Variants in OR8G5 observed in about 807,000 individuals in gnomAD.
OR8G5 encodes the protein olfactory receptor 8G5.
For missense variants in OR8G5, 347 were observed against 371.9 expected, an observed-to-expected ratio of 0.93 and a Z score of 0.55; for synonymous variants, 147 against 147.7, an observed-to-expected ratio of 1.00 and a Z score of 0.03.
In OR8G5 at chr11:124,266,145, C is replaced by G; in HGVS notation, c.*278C>G. On this transcript the variant is annotated 3_prime_UTR_variant, in exon 2 of 2. Coordinates refer to ENST00000641992, the MANE Select transcript of OR8G5 (RefSeq NM_001005198.2). ...CTGATAATGCCAGTTACATTCCCTT[C>G]CCCCTTTTCTTTCATGTAATTGATT... 3.0e-6 allele frequency: 1 copy of G among 328,094 alleles called. No individual in the cohort carries two copies. 20.3% of individuals were successfully genotyped at this position (328,094 alleles called of 1,614,324 possible). A position where few individuals can be genotyped will look rare whatever the true frequency, so the allele number is the denominator to read the frequency against.
At chr11:124,256,933 T>C (rs1182176430) in intron 1 of OR8G5, among the ~76,000 whole-genome samples, 1 of 152,142 alleles carries the variant, frequency 6.6e-6, no homozygotes, top group Non-Finnish European at 1.5e-5. Context: ...TTACAAGGAA[T>C]TGGAGAATGG....
intron 1 of OR8G5, among the ~76,000 whole-genome samples, chr11:124,257,656 G>A (rs1220126214): frequency 6.6e-6 from 1 of 152,154 alleles, no homozygotes; most frequent in Non-Finnish European, 1.5e-5. Context: ...GTCTGTCTGT[G>A]CATGGTGATG....
intron 1 of OR8G5, among the ~76,000 whole-genome samples, chr11:124,260,123 G>C (rs4935875): frequency 0.37 from 56,791 of 151,656 alleles, 10,789 homozygotes; most frequent in East Asian, 0.47. Flanking sequence ...ATAAACAGCA[G>C]TATCTAAATA....
chr11:124,265,515 A>G lies in OR8G5; in HGVS notation c.584A>G (p.Asn195Ser). The part of the protein sequence containing the change: ...LKLSCSSTYI[N>S]ELLILIFSGI... ...CTCTCCTGTTCTAGTACTTACATTAATGAGTTACTGATTTTAATCTTTAGT... is the reference window on the plus strand; with the variant it reads ...CTCTCCTGTTCTAGTACTTACATTAGTGAGTTACTGATTTTAATCTTTAGT... Residue 195 changes from asparagine (N) to serine (S), a missense_variant, in exon 2 of 2, where the codon AAT becomes AGT. Transcript: ENST00000641992. 1.2e-6 allele frequency: 2 copies of G among 1,613,920 alleles called. No homozygotes were observed. Among genetic ancestry groups the G allele is most frequent in the South Asian group, 1.1e-5 (1 of 91,082 alleles).
rs950065930 is a variant in OR8G5, at chr11:124,265,238, T to A, written c.307T>A (p.Phe103Ile). 6.2e-7 allele frequency: 1 copy of A among 1,614,038 alleles called. No homozygotes were observed. Among genetic ancestry groups the A allele is most frequent in the Non-Finnish European group, 8.5e-7 (1 of 1,179,884 alleles). Residue 103 changes from phenylalanine (F) to isoleucine (I), a missense_variant, in exon 2 of 2, where the codon TTC becomes ATC. By Grantham distance (21) the Phe-to-Ile change is conservative. Transcript: ENST00000641992. ...SYPECMTQLY[F>I]FLVFAIAECH... is the part of the protein sequence containing the mutation. Reference sequence around the variant, plus strand: ...CCCTGAATGCATGACTCAGCTCTACTTCTTCCTCGTTTTTGCTATTGCAGA... The same window carrying A: ...CCCTGAATGCATGACTCAGCTCTACATCTTCCTCGTTTTTGCTATTGCAGA...
At chr11:124,260,629 T>C (rs935876012) in intron 1 of OR8G5, among the ~76,000 whole-genome samples, 4 of 151,878 alleles carry the variant, frequency 2.6e-5, no homozygotes, top group Non-Finnish European at 5.9e-5. Flanking sequence ...TTAATATCTT[T>C]ATAATAGTGA....
chr11:124,258,553 A>T (rs1422784528), intron 1 of OR8G5, among the ~76,000 whole-genome samples: 1 of 151,806 alleles, frequency 6.6e-6, no homozygotes, highest in African/African-American at 2.4e-5. Flanking sequence ...AGCGAGCGAG[A>T]CTCCATCTCA....
At chr11:124,257,844 A>G (rs1036782089) in intron 1 of OR8G5, among the ~76,000 whole-genome samples, 6 of 152,104 alleles carry the variant, frequency 3.9e-5, no homozygotes, top group African/African-American at 1.4e-4. Flanking sequence ...GAGGTGGGAG[A>G]AGGTCAGAAA....
intron 1 of OR8G5, among the ~76,000 whole-genome samples, chr11:124,263,537 C>A (rs1861995968): frequency 1.5e-5 from 2 of 136,892 alleles, no homozygotes; most frequent in Non-Finnish European, 3.1e-5. Context: ...TGTGATGTTC[C>A]CCTTCCTGTG....
At chr11:124,262,680 C>CACAG (rs1264658218) in intron 1 of OR8G5, among the ~76,000 whole-genome samples, 1 of 151,768 alleles carries the variant, frequency 6.6e-6, no homozygotes, top group Non-Finnish European at 1.5e-5. Flanking sequence ...CATATACACA[C>CACAG]ACACACACAT....
At position 124,265,857 on chromosome 11, in the gene OR8G5, C is replaced by T. The variant is rs1396983924; in HGVS notation, c.926C>T (p.Thr309Ile). 1 of 1,610,202 alleles carries T rather than the reference C, an allele frequency of 6.2e-7. No homozygotes were observed. Among genetic ancestry groups the T allele is most frequent in the Non-Finnish European group, 8.5e-7 (1 of 1,177,818 alleles). The change falls in exon 2 of 2, where the codon ACA (threonine) becomes ATA (isoleucine). Residue 309 changes from threonine (T) to isoleucine (I), a missense_variant. Thr to Ile is a moderately conservative substitution (Grantham distance 89). Transcript: ENST00000641992. ...CTGAAGAAAACGCTAGGGAAAAGAACATTCTTATGAACAGAAGTACAATGA... is the reference window on the plus strand; with the variant it reads ...CTGAAGAAAACGCTAGGGAAAAGAATATTCTTATGAACAGAAGTACAATGA... ...VALKKTLGKR[T>I]FL
chr11:124,263,308 G>A (rs12805787), intron 1 of OR8G5, among the ~76,000 whole-genome samples: 73,247 of 151,694 alleles, frequency 0.48, 18,446 homozygotes, highest in East Asian at 0.58. Flanking sequence ...AAATATAATC[G>A]AAACATTGTT....
chr11:124,266,020 A>G lies in OR8G5; in HGVS notation c.*153A>G. On this transcript the variant is annotated 3_prime_UTR_variant, in exon 2 of 2. Transcript: ENST00000641992. ...ATGTCTTATGCACATGGTCTATTTC[A>G]TGCCATTTCCCTCTCATTTTTTCTC... is the stretch of plus-strand genomic sequence containing the variant. The G allele has an allele frequency of 2.2e-6, 2 of 921,226 alleles. No individual in the cohort carries two copies. The highest frequency in any genetic ancestry group is 3.1e-6 in the Non-Finnish European group (2 of 642,040). The allele number at this position is 921,226 out of a possible 1,614,324, so 57.1% of individuals were successfully genotyped here.
At chr11:124,263,312 CAT>C (rs144848366) in intron 1 of OR8G5, among the ~76,000 whole-genome samples, 17,278 of 151,776 alleles carry the variant, frequency 0.11, 1,175 homozygotes, top group Middle Eastern at 0.16. Flanking sequence ...ATAATCGAAA[CAT>C]TGTTAGTTTT....
intron 1 of OR8G5, among the ~76,000 whole-genome samples, chr11:124,260,164 C>T (rs1305459151): frequency 3.5e-5 from 5 of 141,824 alleles, no homozygotes; most frequent in African/African-American, 1.0e-4. Flanking sequence ...ATATATTTTT[C>T]ATAGTCATGC....
chr11:124,261,394 A>G (rs1338897893), intron 1 of OR8G5, among the ~76,000 whole-genome samples: 1 of 152,004 alleles, frequency 6.6e-6, no homozygotes, highest in East Asian at 1.9e-4. Context: ...GGAGTGAAAA[A>G]TAGTATGCTG....
rs879145550 is a variant in OR8G5 at position 124,265,001 on chromosome 11, C to T, written c.70C>T (p.Gln24Ter). 3.7e-6 allele frequency: 6 copies of T among 1,613,862 alleles called. No homozygotes were observed. The highest frequency in any genetic ancestry group is 1.1e-5 in the South Asian group (1 of 91,086). The change falls in exon 2 of 2, where the codon CAG becomes TAG. Residue 24 changes from glutamine (Q) to a stop codon, truncating the protein, a stop_gained. Coordinates refer to ENST00000641992, the MANE Select transcript of OR8G5 (RefSeq NM_001005198.2). LOFTEE classifies it low-confidence loss of function (END_TRUNC). Reference sequence around the variant, plus strand: ...TGGGCTAACAGAGAAGTCAGAGCTACAGCTGCCCCTCTTCCTCGTCTTCCT... The same window carrying T: ...TGGGCTAACAGAGAAGTCAGAGCTATAGCTGCCCCTCTTCCTCGTCTTCCT... ...LVGLTEKSELQLPLFLVFLGI... is the reference protein window; with the variant it reads ...LVGLTEKSEL
rs752175879 is a variant in OR8G5 at position 124,265,390 on chromosome 11, G to C, written c.459G>C (p.Leu153=). 20 of 1,613,874 alleles carry C rather than the reference G, an allele frequency of 1.2e-5. No individual in the cohort carries two copies. In the African/African-American group the frequency reaches 2.1e-4, roughly 17 times the overall value. The part of the protein sequence containing the change: ...SLILVVYVIG[L]ICASAHIGCM... ...TTTTAGTGGTGTATGTAATAGGCCT[G>C]ATTTGTGCGTCAGCTCATATAGGCT... is the stretch of plus-strand genomic sequence containing the variant. The change falls in exon 2 of 2, where the codon CTG becomes CTC. Residue 153 remains leucine, a synonymous_variant. Transcript: ENST00000641992.
In OR8G5 at chr11:124,265,461, A is replaced by G. The variant is rs1862018920; in HGVS notation, c.530A>G (p.Tyr177Cys). 1 of 1,613,992 alleles carries G rather than the reference A, an allele frequency of 6.2e-7. No homozygotes were observed. Among genetic ancestry groups the G allele is most frequent in the Non-Finnish European group, 8.5e-7 (1 of 1,179,874 alleles). Residue 177 changes from tyrosine to cysteine, a missense_variant, in exon 2 of 2, where the codon TAT (tyrosine) becomes TGT (cysteine). Transcript: ENST00000641992. ...QFCKFDVINH[Y>C]FCDLISILKL... ...TGCAAATTTGATGTGATCAACCATT[A>G]TTTCTGTGATCTTATTTCTATCTTG...
Sources: allele counts gnomAD v4.1 joint callset (sites outside exome capture counted in the v4.1 genomes callset), GRCh38; gene constraint gnomAD v4.1.1; transcripts MANE v1.5; gene names NCBI Gene and HGNC (gene_info 2026-07-23, HGNC 2026-07-21).